Variants in FAM117B observed in about 807,000 individuals in gnomAD.
FAM117B encodes protein FAM117B.
A neutral mutation model predicts 52.8 loss-of-function variants in FAM117B; 22 were observed. The ratio of observed to expected loss-of-function variants is 0.42; its 90% confidence interval spans 0.30 to 0.59. The LOEUF (loss-of-function observed/expected upper bound fraction) is 0.59. FAM117B is among the 20% of genes least tolerant of loss of function. FAM117B has a pLI of 0.22. For synonymous variants in FAM117B, 309 were observed against 324.1 expected, an observed-to-expected ratio of 0.95 and a Z score of 0.50; for missense variants, 678 against 802.6, an observed-to-expected ratio of 0.84 and a Z score of 1.88.
At position 202,635,260 on chromosome 2, in the gene FAM117B, G is replaced by A. The variant is rs1689658906; in HGVS notation, c.73G>A (p.Ala25Thr). 3 of 1,378,812 alleles carry A rather than the reference G, an allele frequency of 2.2e-6. No individual in the cohort carries two copies. Among genetic ancestry groups the A allele is most frequent in the South Asian group, 1.6e-5 (1 of 62,636 alleles). The allele number at this position is 1,378,812 out of a possible 1,614,324, so 85.4% of individuals were successfully genotyped here. A position where few individuals can be genotyped will look rare whatever the true frequency, so the allele number is the denominator to read the frequency against. The change falls in exon 1 of 8, where the codon GCC (alanine) becomes ACC (threonine). Residue 25 changes from alanine to threonine, a missense_variant. Ala to Thr is a moderately conservative substitution (Grantham distance 58). This residue lies in a region of FAM117B where 583 missense variants were observed against 644.8 expected (regional missense o/e 0.90). Transcript: ENST00000392238. ...CCTTGGGGGTGGTGCGGTGGCCACG[G>A]CCGGGGGACCCGGGAGCCGCTTGCA... ...GSLGGGAVAT[A>T]GGPGSRLQPM...
At chr2:202,672,413 A>T (rs1040544547) in intron 1 of FAM117B, among the ~76,000 whole-genome samples, 2 of 152,126 alleles carry the variant, frequency 1.3e-5, no homozygotes, top group African/African-American at 2.4e-5. Context: ...GGGTTTCACC[A>T]TGTTGGCCAG....
intron 2 of FAM117B, among the ~76,000 whole-genome samples, chr2:202,715,521 A>G (rs1364425093): frequency 1.4e-5 from 2 of 143,794 alleles, no homozygotes; most frequent in Non-Finnish European, 3.0e-5. Context: ...ATCTCAGACG[A>G]TGGGCGGCCG....
intron 1 of FAM117B, among the ~76,000 whole-genome samples, chr2:202,681,150 AAAACCCTAG>A (rs1444532337): frequency 6.6e-6 from 1 of 152,206 alleles, no homozygotes; most frequent in Non-Finnish European, 1.5e-5. Context: ...TGCATATTAT[AAAACCCTAG>A]ATAGAGCAAC....
chr2:202,746,369 A>G (rs1169674476), intron 4 of FAM117B, among the ~76,000 whole-genome samples: 1 of 152,168 alleles, frequency 6.6e-6, no homozygotes, highest in African/African-American at 2.4e-5. Flanking sequence ...CCATTGGTCA[A>G]TGAAGAAATA....
At chr2:202,743,183 C>T (rs1559113958) in intron 4 of FAM117B, among the ~76,000 whole-genome samples, 1 of 152,204 alleles carries the variant, frequency 6.6e-6, no homozygotes, top group Non-Finnish European at 1.5e-5. Flanking sequence ...CTGCTGATGC[C>T]TGAGGACTAG....
At chr2:202,761,168 A>T (rs1450381514) in intron 7 of FAM117B, among the ~76,000 whole-genome samples, 1 of 152,192 alleles carries the variant, frequency 6.6e-6, no homozygotes, top group Non-Finnish European at 1.5e-5. Context: ...AAATGCTGGG[A>T]CTATAGGCAT....
At chr2:202,682,255 G>A (rs555821571) in intron 1 of FAM117B, among the ~76,000 whole-genome samples, 2 of 152,278 alleles carry the variant, frequency 1.3e-5, no homozygotes, top group African/African-American at 2.4e-5. Flanking sequence ...GGTGCAAAAG[G>A]CTGTCACGCT....
chr2:202,754,677 A>G (rs1011288959), intron 4 of FAM117B, among the ~76,000 whole-genome samples: 4 of 151,862 alleles, frequency 2.6e-5, no homozygotes, highest in African/African-American at 9.7e-5. Context: ...TCACAAGGTC[A>G]GGAGTTTGAG....
intron 4 of FAM117B, among the ~76,000 whole-genome samples, chr2:202,740,173 CCAAAAA>C (rs1382726897): frequency 2.4e-4 from 17 of 69,672 alleles, no homozygotes; most frequent in East Asian, 4.1e-4. Context: ...ACTTCATCCC[CCAAAAA>C]AAAAAAAAAA....
rs57926704 is a variant in FAM117B at position 202,720,241 on chromosome 2, T to C, written c.754-4676T>C. Reference sequence around the variant, plus strand: ...ATACTTTCTAATGGAGGTATTTCTTTATGGAATTGTCCTAAATGGAGTTCA... The same window carrying C: ...ATACTTTCTAATGGAGGTATTTCTTCATGGAATTGTCCTAAATGGAGTTCA... On this transcript the variant is annotated intron_variant, in intron 2 of 7. Coordinates refer to ENST00000392238, the MANE Select transcript of FAM117B (RefSeq NM_173511.4). Among the ~76,000 whole-genome samples the C allele has an allele frequency of 4.6e-3, 707 of 152,254 alleles. 6 individuals are homozygous for C. Among genetic ancestry groups the C allele is most frequent in the African/African-American group, 0.016 (682 of 41,552 alleles).
At chr2:202,655,363 TTTTTG>T (rs1690036239) in intron 1 of FAM117B, among the ~76,000 whole-genome samples, 1 of 152,152 alleles carries the variant, frequency 6.6e-6, no homozygotes, top group Non-Finnish European at 1.5e-5. Flanking sequence ...GTGAACCTTG[TTTTTG>T]TTTTCTTTGT....
At chr2:202,713,503 C>T (rs898907266) in intron 2 of FAM117B, among the ~76,000 whole-genome samples, 5 of 152,022 alleles carry the variant, frequency 3.3e-5, no homozygotes, top group Non-Finnish European at 7.4e-5. Context: ...TTGTTGTCTT[C>T]ATGTCAAATT....
At chr2:202,722,295 C>G (rs1022297686) in intron 2 of FAM117B, among the ~76,000 whole-genome samples, 1 of 152,038 alleles carries the variant, frequency 6.6e-6, no homozygotes, top group East Asian at 1.9e-4. Context: ...AGCCACCACG[C>G]CTGGCCCAAA....
intron 2 of FAM117B, among the ~76,000 whole-genome samples, chr2:202,702,737 T>C (rs1690814227): frequency 6.6e-6 from 1 of 152,120 alleles, no homozygotes; most frequent in African/African-American, 2.4e-5. Flanking sequence ...GTATTTTTAG[T>C]AGAGACGGGG....
chr2:202,658,187 C>T (rs2105759992), intron 1 of FAM117B, among the ~76,000 whole-genome samples: 1 of 152,170 alleles, frequency 6.6e-6, no homozygotes, highest in Non-Finnish European at 1.5e-5. Flanking sequence ...TCCTTTATTC[C>T]TGAAGTTAGT....
Position 202,640,307 on chromosome 2 carries a change from T to TGGCACCAC in FAM117B, c.601+4519_601+4520insGGCACCAC, listed in dbSNP as rs1215121699. On this transcript the variant is annotated intron_variant, in intron 1 of 7. Transcript: ENST00000392238. The stretch of plus-strand genomic sequence containing the variant: ...ACCACCACCACAAAATATATATATA[T>TGGCACCAC]ATATATATATATATATATATATATA... Among the ~76,000 whole-genome samples, 9 of 54,828 alleles carry TGGCACCAC rather than the reference T, an allele frequency of 1.6e-4. No homozygotes were observed. The East Asian group carries it at 4.8e-3, about 29-fold the overall frequency. The allele number at this position is 54,828 out of a possible 152,430, so 36.0% of individuals were successfully genotyped here.
At chr2:202,722,007 A>ATT (rs57678317) in intron 2 of FAM117B, among the ~76,000 whole-genome samples, 1,690 of 128,558 alleles carry the variant, frequency 0.013, 35 homozygotes, top group African/African-American at 0.03. Context: ...TAAAGATACA[A>ATT]TTTTTTTTTT....
intron 1 of FAM117B, among the ~76,000 whole-genome samples, chr2:202,642,792 A>G (rs1168216334): frequency 1.3e-5 from 2 of 152,236 alleles, no homozygotes; most frequent in Non-Finnish European, 2.9e-5. Context: ...CGAAATGACT[A>G]ATCACTAGGG....
Position 202,635,756 on chromosome 2 carries a change from A to G in FAM117B, c.569A>G (p.Lys190Arg), listed in dbSNP as rs865777232. 6.9e-7 allele frequency: 1 copy of G among 1,456,210 alleles called. No individual in the cohort carries two copies. Among genetic ancestry groups the G allele is most frequent in the Non-Finnish European group, 9.0e-7 (1 of 1,106,832 alleles). The allele number at this position is 1,456,210 out of a possible 1,614,324, so 90.2% of individuals were successfully genotyped here. ...SPEQSRSSPE[K>R]RSPSAPVCKA... ...GAGCAGAGCCGAAGCTCGCCGGAGA[A>G]GAGGAGCCCCAGCGCCCCGGTTTGC... Residue 190 changes from lysine to arginine, a missense_variant, in exon 1 of 8, where the codon AAG becomes AGG. Transcript: ENST00000392238.
Sources: allele counts gnomAD v4.1 joint callset (sites outside exome capture counted in the v4.1 genomes callset), GRCh38; gene constraint gnomAD v4.1.1; regional missense constraint gnomAD v4.1.1; transcripts MANE v1.5; gene names NCBI Gene and HGNC (gene_info 2026-07-23, HGNC 2026-07-21).